The following COP1 variants were observed in gnomAD, a reference collection of about 807,000 sequenced individuals.
The protein encoded by COP1 is E3 ubiquitin-protein ligase COP1.
Under a neutral mutation model 101.3 loss-of-function variants are expected in COP1, and 24 were observed. The ratio of observed to expected loss-of-function variants is 0.24; its 90% CI spans 0.17 to 0.33. The LOEUF is 0.33. Among genes scored for constraint, COP1 ranks in the 10% least tolerant of loss-of-function variants. COP1 has a pLI of 1.00. For synonymous variants in COP1, 347 were observed against 341.9 expected, an observed-to-expected ratio of 1.01 and a Z score of -0.17; for missense variants, 663 against 906.2, an observed-to-expected ratio of 0.73 and a Z score of 3.45.
At chr1:176,166,529 G>C (rs1695180491) in intron 3 of COP1, among the ~76,000 whole-genome samples, 1 of 152,176 alleles carries the variant, frequency 6.6e-6, no homozygotes. Context: ...TAACTGTCTT[G>C]CCATGTCATA....
At chr1:175,985,571 T>C (rs1656909660) in intron 18 of COP1, among the ~76,000 whole-genome samples, 1 of 152,066 alleles carries the variant, frequency 6.6e-6, no homozygotes, top group Admixed American at 6.6e-5. Context: ...TGAGCTCCAA[T>C]CCCTGCAACC....
chr1:176,036,929 CAAAT>C (rs767506084), intron 14 of COP1, among the ~76,000 whole-genome samples: 1 of 152,012 alleles, frequency 6.6e-6, no homozygotes, highest in Non-Finnish European at 1.5e-5. Context: ...AATCTTGTAA[CAAAT>C]AAAATGTATC....
chr1:175,976,267 A>ATTCTTTTTTTT (rs1654534460), intron 18 of COP1, among the ~76,000 whole-genome samples: 2 of 41,764 alleles, frequency 4.8e-5, no homozygotes, highest in Admixed American at 3.3e-4. Context: ...TCAATTAGTC[A>ATTCTTTTTTTT]TTCTTTTTTT....
intron 18 of COP1, chr1:175,982,462 G>A (rs1656105806): frequency 2.2e-6 from 1 of 451,244 alleles, no homozygotes; most frequent in African/African-American, 2.0e-5. Context: ...TGAAGATGAG[G>A]ATGAAGACCT....
intron 18 of COP1, among the ~76,000 whole-genome samples, chr1:175,970,848 GA>G (rs1341351172): frequency 1.3e-5 from 2 of 152,036 alleles, no homozygotes; most frequent in Non-Finnish European, 2.9e-5. Flanking sequence ...TGCTGAATTT[GA>G]AAAAAACTTT....
At chr1:176,005,969 A>T (rs576726887) in intron 15 of COP1, among the ~76,000 whole-genome samples, 17 of 152,010 alleles carry the variant, frequency 1.1e-4, no homozygotes, top group Non-Finnish European at 1.9e-4. Flanking sequence ...CCCATTATTA[A>T]TGTGTGGGAG....
At chr1:175,946,401 T>C (rs114585536) in intron 19 of COP1, among the ~76,000 whole-genome samples, 1,883 of 152,200 alleles carry the variant, frequency 0.012, 36 homozygotes, top group African/African-American at 0.043. Flanking sequence ...TTATGATGAG[T>C]CTAAGGAAGC....
chr1:176,101,714 T>G (rs532187515), intron 9 of COP1, among the ~76,000 whole-genome samples: 13 of 152,308 alleles, frequency 8.5e-5, no homozygotes, highest in African/African-American at 2.6e-4. Flanking sequence ...TATTTTGTTT[T>G]GATACATGTT....
chr1:176,059,370 G>GT (rs1160579404), intron 11 of COP1, among the ~76,000 whole-genome samples: 2 of 152,096 alleles, frequency 1.3e-5, no homozygotes, highest in African/African-American at 4.8e-5. Flanking sequence ...TACAGAATAG[G>GT]TAAGTATTTA....
intron 15 of COP1, among the ~76,000 whole-genome samples, chr1:176,020,912 A>C (rs1666653285): frequency 6.6e-6 from 1 of 152,246 alleles, no homozygotes; most frequent in Non-Finnish European, 1.5e-5. Context: ...ATACTAAATA[A>C]GCACAAGCTG....
Position 176,139,893 on chromosome 1 carries a change from T to A in COP1, c.832-3346A>T, listed in dbSNP as rs954653739. On this transcript the variant is annotated intron_variant, in intron 6 of 19. Transcript: ENST00000367669. ...ATGGGGTCAATCATACCCCAAATTT[T>A]AGCATCACACCATATATCTACGTAA... is the stretch of plus-strand genomic sequence containing the variant. Among the ~76,000 whole-genome samples the A allele has an allele frequency of 3.3e-5, 5 of 152,134 alleles. No individual in the cohort carries two copies. In the South Asian group the frequency reaches 1.0e-3, roughly 32 times the overall value.
chr1:176,007,718 C>T (rs1023598382), intron 15 of COP1, among the ~76,000 whole-genome samples: 13 of 152,190 alleles, frequency 8.5e-5, no homozygotes, highest in South Asian at 6.2e-4. Flanking sequence ...TCTCCAGCTG[C>T]GTGCTGGGAG....
At chr1:176,002,275 T>C (rs981028602) in intron 15 of COP1, among the ~76,000 whole-genome samples, 6 of 152,138 alleles carry the variant, frequency 3.9e-5, no homozygotes, top group Non-Finnish European at 5.9e-5. Flanking sequence ...TATTCTTTTT[T>C]CTTTGTATTC....
chr1:175,980,437 T>C (rs376665637), intron 18 of COP1, among the ~76,000 whole-genome samples: 5 of 150,128 alleles, frequency 3.3e-5, no homozygotes, highest in South Asian at 2.1e-4. Flanking sequence ...TGTTAGAAAT[T>C]AGAGAGAATA....
At chr1:176,155,794 G>A (rs1241752252) in intron 5 of COP1, among the ~76,000 whole-genome samples, 4 of 152,022 alleles carry the variant, frequency 2.6e-5, no homozygotes, top group Non-Finnish European at 4.4e-5. Flanking sequence ...AGCTTTAGGA[G>A]AAGGATGGTA....
At chr1:176,052,531 T>C (rs1672746654) in intron 11 of COP1, among the ~76,000 whole-genome samples, 1 of 152,144 alleles carries the variant, frequency 6.6e-6, no homozygotes, top group East Asian at 1.9e-4. Context: ...ATTCTCCCCA[T>C]TTACTACTAT....
At chr1:176,166,111 G>A (rs952036640) in intron 3 of COP1, among the ~76,000 whole-genome samples, 1 of 151,944 alleles carries the variant, frequency 6.6e-6, no homozygotes, top group African/African-American at 2.4e-5. Context: ...TAAAGATCAA[G>A]CCTGTATTTA....
chr1:175,972,107 T>C (rs915258194), intron 18 of COP1, among the ~76,000 whole-genome samples: 2 of 152,320 alleles, frequency 1.3e-5, no homozygotes, highest in Non-Finnish European at 2.9e-5. Context: ...GAGAGAATTA[T>C]GTAACCCATA....
chr1:176,187,925 G>A (rs1698676320), intron 1 of COP1, among the ~76,000 whole-genome samples: 1 of 152,012 alleles, frequency 6.6e-6, no homozygotes, highest in Non-Finnish European at 1.5e-5. Flanking sequence ...GGGCCTTTGG[G>A]AGATTTTTAG....
Sources: allele counts gnomAD v4.1 joint callset (sites outside exome capture counted in the v4.1 genomes callset), GRCh38; gene constraint gnomAD v4.1.1; transcripts MANE v1.5; gene names NCBI Gene and HGNC (gene_info 2026-07-23, HGNC 2026-07-21).